Variants in FMN1 observed in about 807,000 individuals in gnomAD.
FMN1 encodes the protein formin-1.
A neutral mutation model predicts 132.4 loss-of-function variants in FMN1; 110 were observed. The ratio of observed to expected loss-of-function variants is 0.83; its 90% CI spans 0.71 to 0.97. FMN1 has a LOEUF of 0.97. FMN1 is among the 50% of genes least tolerant of loss of function. The pLI, the probability that FMN1 is intolerant of heterozygous loss-of-function variation, is 0.00. For missense variants in FMN1, 1,792 were observed against 1,705.3 expected (o/e 1.05, Z -0.90); for synonymous variants, 722 against 651.7 (o/e 1.11, Z -1.64).
At chr15:32,962,779 A>G (rs2030728287) in intron 9 of FMN1, among the ~76,000 whole-genome samples, 1 of 151,588 alleles carries the variant, frequency 6.6e-6, no homozygotes, top group Non-Finnish European at 1.5e-5. Context: ...AATGCAAATC[A>G]AAACCACAAT....
intron 10 of FMN1, among the ~76,000 whole-genome samples, chr15:32,924,255 T>G (rs567891995): frequency 6.6e-6 from 1 of 152,330 alleles, no homozygotes; most frequent in African/African-American, 2.4e-5. Context: ...TATTCACACT[T>G]ATGTATTCAG....
intron 6 of FMN1, among the ~76,000 whole-genome samples, chr15:33,030,791 A>G (rs2035899850): frequency 6.6e-6 from 1 of 152,172 alleles, no homozygotes; most frequent in Non-Finnish European, 1.5e-5. Context: ...TAAAATATAT[A>G]AACTCAAATA....
chr15:33,067,192 G>A (rs1055164004), intron 5 of FMN1: 2 of 1,613,604 alleles, frequency 1.2e-6, no homozygotes, highest in African/African-American at 2.7e-5. Flanking sequence ...CCTGGTCCTG[G>A]CTGGGGCGAC....
chr15:33,007,169 T>C (rs967878366), intron 7 of FMN1, among the ~76,000 whole-genome samples: 3 of 152,204 alleles, frequency 2.0e-5, no homozygotes, highest in East Asian at 1.9e-4. Context: ...AAACATGTCA[T>C]ATACCGTATA....
intron 6 of FMN1, among the ~76,000 whole-genome samples, chr15:33,018,827 C>T (rs1288421747): frequency 6.6e-6 from 1 of 152,080 alleles, no homozygotes; most frequent in Non-Finnish European, 1.5e-5. Context: ...ATCTGCATAC[C>T]TTCGCGGTTG....
rs114432043 is a variant in FMN1 at position 32,803,048 on chromosome 15, G to A, written c.3980+1233C>T. Among the ~76,000 whole-genome samples, 1,293 of 152,304 alleles carry A rather than the reference G, an allele frequency of 8.5e-3. 17 individuals are homozygous for A. The highest frequency in any genetic ancestry group is 0.03 in the African/African-American group (1,233 of 41,550). ...ATTACAGTGGGAAGCAGGGCAAGAT[G>A]TTGGCACCTGTGAAAGCAGGGCAGA... is the stretch of plus-strand genomic sequence containing the variant. On this transcript the variant is annotated intron_variant, in intron 18 of 20. Coordinates refer to ENST00000616417, the MANE Select transcript of FMN1 (RefSeq NM_001277313.2).
intron 7 of FMN1, among the ~76,000 whole-genome samples, chr15:32,986,599 C>G (rs192741847): frequency 6.6e-6 from 1 of 152,064 alleles, no homozygotes; most frequent in African/African-American, 2.4e-5. Flanking sequence ...ATGCCTTAAC[C>G]AGTTAAAATA....
intron 17 of FMN1, among the ~76,000 whole-genome samples, chr15:32,856,139 G>A (rs1596095687): frequency 6.6e-6 from 1 of 152,246 alleles, no homozygotes; most frequent in East Asian, 1.9e-4. Context: ...CACACTTTAT[G>A]CATTCACCCT....
intron 19 of FMN1, among the ~76,000 whole-genome samples, chr15:32,795,019 G>C (rs1001135108): frequency 2.6e-5 from 4 of 152,010 alleles, no homozygotes; most frequent in African/African-American, 9.7e-5. Flanking sequence ...AACATAGTGA[G>C]ACACCGTCTC....
At chr15:32,830,815 T>C (rs1417512924) in intron 17 of FMN1, among the ~76,000 whole-genome samples, 2 of 152,106 alleles carry the variant, frequency 1.3e-5, no homozygotes, top group African/African-American at 4.8e-5. Context: ...TGGAAATCAA[T>C]TAGGGGTAGG....
chr15:33,044,735 C>T (rs2036598928), intron 6 of FMN1, among the ~76,000 whole-genome samples: 1 of 152,176 alleles, frequency 6.6e-6, no homozygotes, highest in Non-Finnish European at 1.5e-5. Flanking sequence ...GAGCTACACA[C>T]CCAAGGGTCT....
At chr15:32,847,681 C>T (rs1401763871) in intron 17 of FMN1, among the ~76,000 whole-genome samples, 6 of 152,134 alleles carry the variant, frequency 3.9e-5, no homozygotes, top group Non-Finnish European at 5.9e-5. Flanking sequence ...AGTGAAACCC[C>T]GTCTCTACTA....
chr15:33,090,210 A>G (rs957413016), intron 4 of FMN1, among the ~76,000 whole-genome samples: 1 of 152,186 alleles, frequency 6.6e-6, no homozygotes, highest in Non-Finnish European at 1.5e-5. Context: ...TATACGACAG[A>G]GTGTTTATTA....
At chr15:33,068,532 CTT>C (rs1216597383) in intron 5 of FMN1, among the ~76,000 whole-genome samples, 3 of 152,180 alleles carry the variant, frequency 2.0e-5, no homozygotes, top group Non-Finnish European at 4.4e-5. Flanking sequence ...TCAGCAGCCA[CTT>C]ACGAAGCCGC....
rs1039617362 is a variant in FMN1, at chr15:32,770,965, C to T, written c.*3345G>A. On this transcript the variant is annotated 3_prime_UTR_variant, in exon 21 of 21. Transcript: ENST00000616417. ...TCTGGGCCCCCACCGTCATCATAAA[C>T]ATCCACTTCTGCTTGGCCACACTTT... 2 of 151,900 alleles carry T rather than the reference C, an allele frequency of 1.3e-5. No homozygotes were observed. Among genetic ancestry groups the T allele is most frequent in the African/African-American group, 2.4e-5 (1 of 41,318 alleles). 9.4% of individuals were successfully genotyped at this position (151,900 alleles called of 1,614,324 possible).
At chr15:32,806,861 C>G (rs2057699722) in intron 17 of FMN1, among the ~76,000 whole-genome samples, 1 of 152,194 alleles carries the variant, frequency 6.6e-6, no homozygotes. Context: ...TGCCACTCAT[C>G]ATCTTCCTAC....
chr15:33,006,772 C>A (rs1321083666), intron 7 of FMN1, among the ~76,000 whole-genome samples: 1 of 151,962 alleles, frequency 6.6e-6, no homozygotes, highest in Non-Finnish European at 1.5e-5. Context: ...CATTATGTTA[C>A]GTGAAATATG....
At chr15:32,923,611 G>T (rs1165426084) in intron 10 of FMN1, among the ~76,000 whole-genome samples, 1 of 152,224 alleles carries the variant, frequency 6.6e-6, no homozygotes, top group Non-Finnish European at 1.5e-5. Context: ...ACGCTGAAAT[G>T]AAAGTTCACG....
Position 33,133,864 on chromosome 15 carries a change from C to G in FMN1, c.1867+19184G>C, listed in dbSNP as rs1201687812. Among the ~76,000 whole-genome samples the G allele has an allele frequency of 2.6e-5, 4 of 152,218 alleles. No homozygotes were observed. In the East Asian group the frequency reaches 7.7e-4, roughly 29 times the overall value. On this transcript the variant is annotated intron_variant, in intron 4 of 20. Transcript: ENST00000616417. ...AGTCCAGGATACTAAGATCAAACCA[C>G]AAAGCTTTTATAAGCCATGCCAGCC... is the stretch of plus-strand genomic sequence containing the variant.
Sources: gnomAD v4.1 joint callset for allele counts (sites outside exome capture counted in the v4.1 genomes callset) on GRCh38, gnomAD v4.1.1 for gene constraint, MANE v1.5 for transcripts, NCBI Gene and HGNC (gene_info 2026-07-23, HGNC 2026-07-21) for gene names.